The following PNCK variants were observed in gnomAD, a reference collection of about 807,000 sequenced individuals.
PNCK encodes calcium/calmodulin-dependent protein kinase type 1B.
PNCK carries 21 observed loss-of-function variants against 28.3 expected under a neutral mutation model. That is an observed-to-expected ratio of 0.74 (90% CI 0.53 to 1.07). The LOEUF is 1.07. Ranked by LOEUF, PNCK falls within the 50% of genes least tolerant of loss-of-function variation. PNCK has a pLI of 0.00. For synonymous variants in PNCK, 136 were observed against 125.2 expected (o/e 1.09, Z -0.58); for missense variants, 250 against 298.3 (o/e 0.84, Z 1.19).
At chrX:153,674,992 C>G (rs2091357162), upstream of PNCK, 1 of 112,276 alleles carries the variant, frequency 8.9e-6, no homozygotes. Flanking sequence ...CTTTCCCAGT[C>G]ACCCCTCCCA....
Position 153,673,077 on chromosome X carries a change from GT to G in PNCK, c.-2del. 2 of 1,193,928 alleles carry G rather than the reference GT, an allele frequency of 1.7e-6. No individual in the cohort carries two copies. The highest frequency in any genetic ancestry group is 2.3e-6 in the Non-Finnish European group (2 of 884,055). ...CCGTGTGTTTCTTCAGCAGCAGCAT[GT>G]CTGCAGGGGCAGGGGAGAGGTGATG... is the stretch of plus-strand genomic sequence containing the variant. On this transcript the variant is annotated splice_region_variant and 5_prime_UTR_variant, in exon 2 of 12. Transcript: ENST00000340888.
chrX:153,673,122 G>T lies in PNCK; in HGVS notation c.-2-44C>A, dbSNP rs782749643. On this transcript the variant is annotated intron_variant, in intron 1 of 11. Coordinates refer to ENST00000340888, the MANE Select transcript of PNCK (RefSeq NM_001366977.1). ...GGTGATGGGGGTCTCTCCCCGCCCC[G>T]CCGGGGGCAAGGGCAGCTTCCTCCT... The T allele has an allele frequency of 6.0e-6, 7 of 1,174,044 alleles. No homozygotes were observed. The East Asian group carries it at 2.1e-4, about 36-fold the overall frequency.
At chrX:153,687,032 AC>A (rs1557043282) in intron 1 of PNCK, 2 of 135,743 alleles carry the variant, frequency 1.5e-5, no homozygotes, top group Non-Finnish European at 2.9e-5. Context: ...TTCCTTCCCC[AC>A]CCCACCCCCA....
Position 153,671,060 on chromosome X carries a change from G to C in PNCK, c.727+18C>G, listed in dbSNP as rs1557039601. The C allele has an allele frequency of 2.5e-6, 3 of 1,211,950 alleles. No individual in the cohort carries two copies. The highest frequency in any genetic ancestry group is 3.0e-5 in the East Asian group (1 of 33,839). ...CTCCCTTGCATCACCTCCAAGCACG[G>C]GCCAGCCTCAAGCTCACCTGATTCT... On this transcript the variant is annotated intron_variant, in intron 8 of 11. Coordinates refer to ENST00000340888, the MANE Select transcript of PNCK (RefSeq NM_001366977.1).
At position 153,673,794 on chromosome X, in the gene PNCK, G is replaced by A. The variant is rs1398710398; in HGVS notation, c.-17C>T. On this transcript the variant is annotated 5_prime_UTR_variant, in exon 1 of 12. Coordinates refer to ENST00000340888, the MANE Select transcript of PNCK (RefSeq NM_001366977.1). ...CAGGTGCAGACCTGGAGCGGGTGCC[G>A]CAGCGTCGTGCCGCGCAGTGGCCGC... The A allele has an allele frequency of 1.3e-6, 1 of 748,164 alleles. No individual in the cohort carries two copies. Among genetic ancestry groups the A allele is most frequent in the African/African-American group, 2.3e-5 (1 of 42,874 alleles). 61.7% of individuals were successfully genotyped at this position (748,164 alleles called of 1,213,427 possible).
intron 1 of PNCK, among the ~76,000 whole-genome samples, chrX:153,683,687 C>T (rs1465068556): frequency 1.8e-5 from 2 of 111,839 alleles, no homozygotes; most frequent in Non-Finnish European, 3.8e-5. Context: ...AGCCACCGCA[C>T]CCAGCCCGAA....
intron 1 of PNCK, chrX:153,673,579 C>T: frequency 3.2e-6 from 1 of 310,461 alleles, no homozygotes; most frequent in Non-Finnish European, 4.9e-6. Flanking sequence ...GCAGACGCAG[C>T]CCAGCCCTCG....
upstream of PNCK, among the ~76,000 whole-genome samples, chrX:153,678,608 G>A (rs1359069070): frequency 2.7e-5 from 3 of 112,011 alleles, no homozygotes; most frequent in African/African-American, 9.7e-5. Flanking sequence ...CAATTAGAGT[G>A]CGGCGCTTAT....
rs1000445471 is a variant in PNCK at position 153,669,894 on chromosome X, G to T, written c.*244C>A. On this transcript the variant is annotated 3_prime_UTR_variant, in exon 12 of 12. Transcript: ENST00000340888. Reference sequence around the variant, plus strand: ...GCCAGCACCCCCTCGGCTTTTGGCGGGGCGGGGGGGGCAGGGGCGGGAGAG... The same window carrying T: ...GCCAGCACCCCCTCGGCTTTTGGCGTGGCGGGGGGGGCAGGGGCGGGAGAG... 14 of 339,276 alleles carry T rather than the reference G, an allele frequency of 4.1e-5. No individual in the cohort carries two copies. The highest frequency in any genetic ancestry group is 7.7e-5 in the Non-Finnish European group (13 of 169,675). 28.0% of individuals were successfully genotyped at this position (339,276 alleles called of 1,213,427 possible).
At chrX:153,679,781 A>G (rs1293349815), upstream of PNCK, among the ~76,000 whole-genome samples, 3 of 109,883 alleles carry the variant, frequency 2.7e-5, no homozygotes, top group East Asian at 8.6e-4. Flanking sequence ...CATGTTGGCC[A>G]GGCTGGTCTC....
At chrX:153,670,224 T>G (rs2091276433) in intron 11 of PNCK, 94 bp from the exon 12 acceptor site, 1 of 459,042 alleles carries the variant, frequency 2.2e-6, no homozygotes, top group Non-Finnish European at 3.7e-6. Context: ...CCCGGACTTC[T>G]TAGAGGCCCT....
intron 1 of PNCK, among the ~76,000 whole-genome samples, chrX:153,683,189 G>C (rs973864428): frequency 8.9e-6 from 1 of 112,690 alleles, no homozygotes; most frequent in African/African-American, 3.2e-5. Context: ...CGCCCAGGCT[G>C]GAGTGCAGTG....
rs782323645 is a variant in PNCK, at chrX:153,672,219, G to A, written c.201-19C>T. ...ACTGATCCTGCAATGGCAAGGAAGC[G>A]CCTGTGGGCCAACAGAGTCAAGGGG... On this transcript the variant is annotated intron_variant, in intron 3 of 11. Coordinates refer to ENST00000340888, the MANE Select transcript of PNCK (RefSeq NM_001366977.1). 1.5e-5 allele frequency: 18 copies of A among 1,187,849 alleles called. No homozygotes were observed. Among genetic ancestry groups the A allele is most frequent in the East Asian group, 8.9e-5 (3 of 33,627 alleles).
upstream of PNCK, chrX:153,673,819 C>G: frequency 1.7e-5 from 13 of 751,077 alleles, no homozygotes; most frequent in Non-Finnish European, 2.0e-5. Context: ...GCAGTGGCCG[C>G]AGCGCCAAGC....
At chrX:153,673,241 A>G in intron 1 of PNCK, 163 bp from the exon 2 acceptor site, 1 of 1,167,439 alleles carries the variant, frequency 8.6e-7, no homozygotes, top group African/African-American at 2.1e-5. Flanking sequence ...GACGCCTCCC[A>G]GCGAGGCCAC....
At chrX:153,685,938 G>T in intron 1 of PNCK, among the ~76,000 whole-genome samples, 1 of 112,444 alleles carries the variant, frequency 8.9e-6, no homozygotes, top group Non-Finnish European at 1.9e-5. Context: ...CAAAGGGCGG[G>T]GAAGAAGGTG....
intron 1 of PNCK, chrX:153,673,327 C>G (rs1192750522): frequency 8.7e-7 from 1 of 1,153,124 alleles, no homozygotes; most frequent in Admixed American, 2.8e-5. Flanking sequence ...AGGCGACCAG[C>G]GCCTGGATGC....
intron 1 of PNCK, among the ~76,000 whole-genome samples, chrX:153,683,226 C>T (rs922025687): frequency 8.9e-6 from 1 of 111,864 alleles, no homozygotes; most frequent in African/African-American, 3.3e-5. Context: ...CTGCAAGCTC[C>T]GCCTCCCAGG....
chrX:153,673,699 C>G, intron 1 of PNCK, 81 bp downstream of exon 1: 1 of 562,963 alleles, frequency 1.8e-6, no homozygotes, highest in Non-Finnish European at 2.1e-6. Flanking sequence ...GTGCTGCGGA[C>G]GCGCAAGGCT....
Sources: gnomAD v4.1 joint callset for allele counts (sites outside exome capture counted in the v4.1 genomes callset) on GRCh38, gnomAD v4.1.1 for gene constraint, MANE v1.5 for transcripts, NCBI Gene and HGNC (gene_info 2026-07-23, HGNC 2026-07-21) for gene names.